Variants in POLR1A observed in about 807,000 individuals in gnomAD.
The protein encoded by POLR1A is DNA-directed RNA polymerase I subunit RPA1.
In POLR1A, 84 loss-of-function variants were observed where a neutral mutation model predicts 205.3. That is an observed-to-expected ratio of 0.41 (90% CI 0.34 to 0.49). POLR1A has a LOEUF of 0.49. POLR1A is among the 20% of genes least tolerant of loss of function. The pLI, the probability that POLR1A is intolerant of heterozygous loss-of-function variation, is 0.22. For missense variants in POLR1A, 1,645 were observed against 2,204.5 expected, an observed-to-expected ratio of 0.75 and a Z score of 5.08; for synonymous variants, 799 against 863.7, an observed-to-expected ratio of 0.93 and a Z score of 1.31.
chr2:86,034,561 T>C (rs1672461558), intron 27 of POLR1A, among the ~76,000 whole-genome samples: 1 of 152,146 alleles, frequency 6.6e-6, no homozygotes, highest in Non-Finnish European at 1.5e-5. Context: ...GTCCCCTCCA[T>C]ACCACTTCTT....
At chr2:86,093,589 A>AG (rs1558785875) in intron 3 of POLR1A, among the ~76,000 whole-genome samples, 1 of 152,196 alleles carries the variant, frequency 6.6e-6, no homozygotes, top group Admixed American at 6.6e-5. Context: ...GCACTCTGGG[A>AG]GGCTGAGCCA....
At chr2:86,034,446 G>C (rs1312589750) in intron 27 of POLR1A, among the ~76,000 whole-genome samples, 2 of 152,214 alleles carry the variant, frequency 1.3e-5, no homozygotes, top group Non-Finnish European at 2.9e-5. Flanking sequence ...GTGTCAACAA[G>C]TTAGAACCAC....
rs767586683 is a variant in POLR1A, at chr2:86,028,043, G to A, written c.4904C>T (p.Ala1635Val). The A allele has an allele frequency of 8.1e-6, 13 of 1,614,034 alleles. No homozygotes were observed. The highest frequency in any genetic ancestry group is 3.3e-4 in the Middle Eastern group (2 of 6,084). The change falls in exon 33 of 34, where the codon GCG (alanine) becomes GTG (valine). Residue 1635 changes from alanine to valine, a missense_variant. Physicochemically the swap from Ala to Val is moderately conservative, Grantham distance 64 (BLOSUM62 0). Around this residue, in one of 16 missense-constraint regions of POLR1A, gnomAD observed 86 missense variants for 149.8 expected, o/e 0.57. Transcript: ENST00000263857. This position sits in a 1 kb window ranked among gnomAD's most constrained non-coding sequence, Gnocchi z 4.5. ...IKDVFAVYGI[A>V]VDPRHLSLVA... ...CAGGGAGAGATGGCGAGGGTCGACC[G>A]CGATGCCTGTCAAACGGGAGGTAAA...
intron 1 of POLR1A, among the ~76,000 whole-genome samples, chr2:86,104,528 A>G (rs572922663): frequency 1.2e-4 from 18 of 149,108 alleles, no homozygotes; most frequent in Non-Finnish European, 2.2e-4. Flanking sequence ...GCTCACTGCA[A>G]CCTCCGCCTC....
At chr2:86,030,158 T>C (rs1558760970) in intron 31 of POLR1A, 38 bp downstream of exon 31, 3 of 1,541,454 alleles carry the variant, frequency 1.9e-6, no homozygotes, top group South Asian at 2.2e-5. Context: ...GGGTGAGGAC[T>C]AATGCTTTGT....
chr2:86,065,264 T>G lies in POLR1A; in HGVS notation c.2058+10A>C, dbSNP rs770077475. 16 of 1,611,060 alleles carry G rather than the reference T, an allele frequency of 9.9e-6. No homozygotes were observed. Among genetic ancestry groups the G allele is most frequent in the Non-Finnish European group, 1.3e-5 (15 of 1,178,522 alleles). On this transcript the variant is annotated intron_variant, in intron 14 of 33. Coordinates refer to ENST00000263857, the MANE Select transcript of POLR1A (RefSeq NM_015425.6). ...TTTGTTACATACACTGGCTGTTCTC[T>G]CCCAATTACCTGTTTTCCTGTCCAC...
chr2:86,064,777 C>T (rs311562), intron 14 of POLR1A, among the ~76,000 whole-genome samples: 128,704 of 151,042 alleles, frequency 0.85, 55,222 homozygotes, highest in Non-Finnish European at 0.9. Context: ...TTTGTGGAGA[C>T]GGAGTCTCAC....
chr2:86,085,596 G>C (rs563868812), intron 6 of POLR1A, among the ~76,000 whole-genome samples: 1 of 152,122 alleles, frequency 6.6e-6, no homozygotes, highest in African/African-American at 2.4e-5. Flanking sequence ...GAAGAAGATC[G>C]GTCGAATCTC....
chr2:86,082,769 C>T (rs905607919), intron 7 of POLR1A, among the ~76,000 whole-genome samples: 6 of 152,164 alleles, frequency 3.9e-5, no homozygotes, highest in East Asian at 1.9e-4. Flanking sequence ...ATTTTACTTA[C>T]GGGCATTTAA....
rs2104388181 is a variant in POLR1A, at chr2:86,040,559, C to T, written c.3573G>A (p.Arg1191=). 1 of 1,559,994 alleles carries T rather than the reference C, an allele frequency of 6.4e-7. No individual in the cohort carries two copies. Among genetic ancestry groups the T allele is most frequent in the East Asian group, 2.3e-5 (1 of 43,552 alleles). ...SYEKSELSLD[R]LRTLLQLKWQ... is the part of the protein sequence containing the mutation. The stretch of plus-strand genomic sequence containing the variant: ...ACTTCAGCTGCAGCAAGGTCCTCAA[C>T]CTAGAGACGGTGGTGGGGGGTCAGG... The change falls in exon 25 of 34, where the codon AGG becomes AGA. Residue 1191 remains arginine, a splice_region_variant and synonymous_variant. Coordinates refer to ENST00000263857, the MANE Select transcript of POLR1A (RefSeq NM_015425.6).
chr2:86,049,343 T>C, intron 16 of POLR1A, 101 bp from the exon 17 acceptor site: 1 of 780,382 alleles, frequency 1.3e-6, no homozygotes, highest in Non-Finnish European at 2.3e-6. Flanking sequence ...GTGCCACAGA[T>C]GCAGGAAATA....
At chr2:86,081,738 AT>A (rs1397068432) in intron 7 of POLR1A, 32 bp from the exon 8 acceptor site, 1 of 1,323,598 alleles carries the variant, frequency 7.6e-7, no homozygotes, top group Non-Finnish European at 1.1e-6. Context: ...CAAGAAGACC[AT>A]TTAAATCTAT....
chr2:86,044,325 C>A, intron 21 of POLR1A, 21 bp from the exon 22 acceptor site: 1 of 1,613,350 alleles, frequency 6.2e-7, no homozygotes, highest in Non-Finnish European at 8.5e-7. Context: ...ACCATCGGCT[C>A]AGTCCCCGCC....
At chr2:86,075,652 G>A (rs1673267235) in intron 11 of POLR1A, among the ~76,000 whole-genome samples, 1 of 152,060 alleles carries the variant, frequency 6.6e-6, no homozygotes, top group Admixed American at 6.5e-5. Flanking sequence ...GGGATTACAG[G>A]CACACACTAC....
At chr2:86,032,596 C>A (rs1440343888) in intron 28 of POLR1A, among the ~76,000 whole-genome samples, 1 of 152,004 alleles carries the variant, frequency 6.6e-6, no homozygotes, top group Non-Finnish European at 1.5e-5. Flanking sequence ...TCCTTCCCTT[C>A]AGTCTTCATC....
At position 86,040,549 on chromosome 2, in the gene POLR1A, A is replaced by G; in HGVS notation, c.3583T>C (p.Leu1195=). ...GAGCGCTGCCACTTCAGCTGCAGCAAGGTCCTCAACCTAGAGACGGTGGTG... is the reference window on the plus strand; with the variant it reads ...GAGCGCTGCCACTTCAGCTGCAGCAGGGTCCTCAACCTAGAGACGGTGGTG... ...SELSLDRLRT[L]LQLKWQRSLC... Residue 1195 remains leucine, a synonymous_variant, in exon 25 of 34, where the codon TTG becomes CTG. Transcript: ENST00000263857. The G allele has an allele frequency of 6.3e-7, 1 of 1,583,342 alleles. No homozygotes were observed. The highest frequency in any genetic ancestry group is 8.6e-7 in the Non-Finnish European group (1 of 1,163,384).
At chr2:86,085,163 G>A (rs1308286227) in intron 6 of POLR1A, among the ~76,000 whole-genome samples, 7 of 152,060 alleles carry the variant, frequency 4.6e-5, no homozygotes, top group Admixed American at 4.6e-4. Flanking sequence ...GGGTTTCACC[G>A]TGTTAGCCAG....
chr2:86,083,199 T>C (rs1207046675), intron 6 of POLR1A, 31 bp from the exon 7 acceptor site: 7 of 1,479,946 alleles, frequency 4.7e-6, no homozygotes, highest in Non-Finnish European at 6.6e-6. Flanking sequence ...CAAAGTGCAA[T>C]AAATCAGAAA....
chr2:86,082,615 C>T (rs779345431), intron 7 of POLR1A, among the ~76,000 whole-genome samples: 1 of 151,610 alleles, frequency 6.6e-6, no homozygotes, highest in Non-Finnish European at 1.5e-5. Context: ...TTATAGTCAG[C>T]GTTCCACAAC....
Sources: allele counts gnomAD v4.1 joint callset (sites outside exome capture counted in the v4.1 genomes callset), GRCh38; gene constraint gnomAD v4.1.1; regional missense constraint gnomAD v4.1.1; non-coding constraint Gnocchi (gnomAD v3.1); transcripts MANE v1.5; gene names NCBI Gene and HGNC (gene_info 2026-07-23, HGNC 2026-07-21).